The following TMEM217B variants were observed in gnomAD, a reference collection of about 807,000 sequenced individuals.
TMEM217B encodes the protein putative transmembrane protein 217B.
chr6:37,229,135 G>A, the TMEM217B span, among the ~76,000 whole-genome samples: 8 of 152,082 alleles, frequency 5.3e-5, 1 homozygote, highest in South Asian at 6.2e-4. Flanking sequence ...TTATTTCCTC[G>A]TTGATAGTTT....
At chr6:37,234,126 G>T in the TMEM217B span, among the ~76,000 whole-genome samples, 19 of 138,510 alleles carry the variant, frequency 1.4e-4, no homozygotes, top group East Asian at 4.0e-3. Context: ...TTTTGAGATA[G>T]TCTTGCTCTG....
the TMEM217B span, among the ~76,000 whole-genome samples, chr6:37,220,759 T>C: frequency 3.3e-5 from 5 of 152,048 alleles, no homozygotes; most frequent in Admixed American, 2.6e-4. Flanking sequence ...GACAAGTACA[T>C]AGTGAAAAAT....
chr6:37,215,067 C>A, the TMEM217B span: 3 of 1,211,856 alleles, frequency 2.5e-6, no homozygotes, highest in Non-Finnish European at 3.4e-6. Flanking sequence ...CCACTGGTTC[C>A]ACAGCTCTGC....
At chr6:37,231,665 C>T in the TMEM217B span, among the ~76,000 whole-genome samples, 1 of 140,844 alleles carries the variant, frequency 7.1e-6, no homozygotes, top group Non-Finnish European at 1.5e-5. Context: ...GAGTGAGACT[C>T]CATCTCAAAA....
the TMEM217B span, among the ~76,000 whole-genome samples, chr6:37,219,348 C>T: frequency 1.3e-5 from 2 of 152,222 alleles, no homozygotes; most frequent in South Asian, 2.1e-4. Flanking sequence ...TCACAACATT[C>T]TCTGGTTGGG....
At chr6:37,229,346 T>TTTTTTG in the TMEM217B span, among the ~76,000 whole-genome samples, 1 of 128,202 alleles carries the variant, frequency 7.8e-6, no homozygotes, top group Non-Finnish European at 1.6e-5. Flanking sequence ...TTTTTTTTTT[T>TTTTTTG]TTTTTTTTTT....
the TMEM217B span, chr6:37,218,249 A>C: frequency 7.7e-7 from 1 of 1,297,660 alleles, no homozygotes; most frequent in South Asian, 1.7e-5. Flanking sequence ...GGCTCACTGC[A>C]ACCTCCACCT....
At chr6:37,220,507 G>A in the TMEM217B span, among the ~76,000 whole-genome samples, 1 of 151,800 alleles carries the variant, frequency 6.6e-6, no homozygotes, top group East Asian at 1.9e-4. Flanking sequence ...AGCAGGTGGG[G>A]AGAAAACTCT....
At chr6:37,224,248 G>A in the TMEM217B span, among the ~76,000 whole-genome samples, 1 of 150,858 alleles carries the variant, frequency 6.6e-6, no homozygotes, top group Non-Finnish European at 1.5e-5. Flanking sequence ...CTCTGCCTCA[G>A]CCTTTTAACT....
At chr6:37,239,596 A>G in the TMEM217B span, among the ~76,000 whole-genome samples, 1 of 152,172 alleles carries the variant, frequency 6.6e-6, no homozygotes, top group Non-Finnish European at 1.5e-5. Flanking sequence ...ATAATGATGC[A>G]TTTTGCAGTT....
the TMEM217B span, among the ~76,000 whole-genome samples, chr6:37,244,403 A>G: frequency 6.6e-6 from 1 of 152,242 alleles, no homozygotes; most frequent in African/African-American, 2.4e-5. Context: ...GTAAACTTCT[A>G]TTGTGTCTAA....
chr6:37,240,641 C>T, the TMEM217B span, among the ~76,000 whole-genome samples: 1 of 152,204 alleles, frequency 6.6e-6, no homozygotes, highest in South Asian at 2.1e-4. Flanking sequence ...GTGTAAATAC[C>T]AGGAGGCCAG....
At chr6:37,215,974 G>A in the TMEM217B span, among the ~76,000 whole-genome samples, 2 of 151,404 alleles carry the variant, frequency 1.3e-5, no homozygotes, top group Non-Finnish European at 2.9e-5. Context: ...TCTCTGAAAG[G>A]CAAAGGAGAG....
At chr6:37,224,129 G>C in the TMEM217B span, among the ~76,000 whole-genome samples, 2 of 150,594 alleles carry the variant, frequency 1.3e-5, no homozygotes, top group Non-Finnish European at 3.0e-5. Context: ...AGTAGAGACA[G>C]AGTTTTACCA....
At chr6:37,252,633 ATATATTTTTTT>A in the TMEM217B span, among the ~76,000 whole-genome samples, 20 of 75,260 alleles carry the variant, frequency 2.7e-4, no homozygotes, top group South Asian at 8.8e-4. Context: ...ATATATATAT[ATATATTTTTTT>A]TTTTTTTTTT....
the TMEM217B span, among the ~76,000 whole-genome samples, chr6:37,245,136 C>G: frequency 6.6e-6 from 1 of 152,190 alleles, no homozygotes. Context: ...TGAGGAAGTC[C>G]AACAAGATGA....
At chr6:37,252,396 C>T in the TMEM217B span, among the ~76,000 whole-genome samples, 1 of 151,826 alleles carries the variant, frequency 6.6e-6, no homozygotes, top group African/African-American at 2.4e-5. Flanking sequence ...CTGGCAAAGC[C>T]TAAAAATATC....
the TMEM217B span, among the ~76,000 whole-genome samples, chr6:37,252,883 ACCTG>A: frequency 6.6e-6 from 1 of 151,468 alleles, no homozygotes; most frequent in Non-Finnish European, 1.5e-5. Flanking sequence ...CAAGTGATCC[ACCTG>A]CCTCAGCCTC....
chr6:37,255,027 G>A, the TMEM217B span, among the ~76,000 whole-genome samples: 17 of 152,140 alleles, frequency 1.1e-4, no homozygotes, highest in Admixed American at 9.2e-4. Context: ...GACAGGAGGC[G>A]GAGCTCTGGC....
Sources: allele counts gnomAD v4.1 joint callset (sites outside exome capture counted in the v4.1 genomes callset), GRCh38; gene constraint gnomAD v4.1.1; transcripts MANE v1.5; gene names NCBI Gene and HGNC (gene_info 2026-07-23, HGNC 2026-07-21).